Variants in LEMD2 observed in about 807,000 individuals in gnomAD.
LEMD2 encodes LEM domain-containing protein 2.
In LEMD2, 34 loss-of-function variants were observed where a neutral mutation model predicts 58.8. The observed-to-expected ratio is 0.58, with a 90% CI of 0.44 to 0.77. The LOEUF is 0.77. Ranked by LOEUF, LEMD2 falls within the 30% of genes least tolerant of loss-of-function variation. The pLI, the probability that LEMD2 is intolerant of heterozygous loss-of-function variation, is 0.00. For synonymous variants in LEMD2, 298 were observed against 308.9 expected (o/e 0.96, Z 0.37); for missense variants, 629 against 717.9 (o/e 0.88, Z 1.42).
Position 33,788,508 on chromosome 6 carries a change from C to A in LEMD2, c.609G>T (p.Gly203=), listed in dbSNP as rs753381455. The A allele has an allele frequency of 7.8e-6, 12 of 1,538,494 alleles. No individual in the cohort carries two copies. Among genetic ancestry groups the A allele is most frequent in the Non-Finnish European group, 9.6e-6 (11 of 1,142,938 alleles). ...GAGAGAGCCAGCGCTCCAGCCGGCG[C>A]CCCACCTCAGGCCGGGCCCTCGCCG... ...AGAARARPEV[G]RRLERWLSRL... is the part of the protein sequence containing the mutation. The change falls in exon 1 of 9, where the codon GGG becomes GGT. Residue 203 remains glycine, a synonymous_variant. Coordinates refer to ENST00000293760, the MANE Select transcript of LEMD2 (RefSeq NM_181336.4).
chr6:33,773,883 G>A (rs1427334131), intron 8 of LEMD2, among the ~76,000 whole-genome samples: 1 of 152,180 alleles, frequency 6.6e-6, no homozygotes, highest in African/African-American at 2.4e-5. Flanking sequence ...CCTGACGTGG[G>A]GAGCTTGGCC....
intron 2 of LEMD2, among the ~76,000 whole-genome samples, chr6:33,786,521 G>A (rs1194320440): frequency 6.6e-6 from 1 of 152,214 alleles, no homozygotes; most frequent in Non-Finnish European, 1.5e-5. Context: ...AACAAGCCCA[G>A]GGTTGGATTT....
chr6:33,778,879 G>T lies in LEMD2; in HGVS notation c.1011-492C>A. 6.6e-6 allele frequency: 1 copy of T among 152,334 alleles called. No individual in the cohort carries two copies. The allele number at this position is 152,334 out of a possible 1,614,324, so 9.4% of individuals were successfully genotyped here. On this transcript the variant is annotated intron_variant, in intron 5 of 8. Coordinates refer to ENST00000293760, the MANE Select transcript of LEMD2 (RefSeq NM_181336.4). The surrounding 1 kb of genome is among the most constrained non-coding windows in gnomAD (Gnocchi z 4.7). ...GGAATCCGTGAGGCTCATGGGGAAT[G>T]AAAACCACCAGGCTCTCCGAGGCCA...
At chr6:33,786,692 T>G in intron 2 of LEMD2, 42 bp downstream of exon 2, 7 of 1,507,442 alleles carry the variant, frequency 4.6e-6, no homozygotes, top group Non-Finnish European at 6.5e-6. Flanking sequence ...GAGGCTAATA[T>G]CCTCAGGAAG....
intron 3 of LEMD2, chr6:33,781,581 T>G (rs1767566612): frequency 5.7e-6 from 1 of 176,384 alleles, no homozygotes; most frequent in Non-Finnish European, 1.2e-5. Context: ...CCAGGTCTAT[T>G]GTCTTGAGGG....
chr6:33,779,823 C>T, intron 5 of LEMD2: 1 of 372,742 alleles, frequency 2.7e-6, no homozygotes, highest in South Asian at 5.6e-5. Context: ...GAGAAAGGCA[C>T]AGACTGAGTT....
Position 33,788,470 on chromosome 6 carries a change from C to T in LEMD2, c.647G>A (p.Trp216Ter). 6.4e-7 allele frequency: 1 copy of T among 1,561,840 alleles called. No homozygotes were observed. Among genetic ancestry groups the T allele is most frequent in the East Asian group, 2.4e-5 (1 of 41,036 alleles). ...LERWLSRLLL[W>*]ASLGLLLVFL... Reference sequence around the variant, plus strand: ...GACGAGCAGTAGCCCTAGGCTGGCCCAGAGCAGAAGCCGAGAGAGCCAGCG... The same window carrying T: ...GACGAGCAGTAGCCCTAGGCTGGCCTAGAGCAGAAGCCGAGAGAGCCAGCG... Residue 216 changes from tryptophan (W) to a stop codon, truncating the protein, a stop_gained, in exon 1 of 9, where the codon TGG (tryptophan) becomes TAG (stop). Transcript: ENST00000293760. LOFTEE classifies it high-confidence loss of function.
rs1036558159 is a variant in LEMD2 at position 33,788,872 on chromosome 6, G to A, written c.245C>T (p.Ser82Phe). The A allele has an allele frequency of 2.0e-5, 27 of 1,376,328 alleles. No homozygotes were observed. In the Admixed American group the frequency reaches 2.6e-4, roughly 13 times the overall value. The allele number at this position is 1,376,328 out of a possible 1,614,324, so 85.3% of individuals were successfully genotyped here. A position where few individuals can be genotyped will look rare whatever the true frequency, so the allele number is the denominator to read the frequency against. The stretch of plus-strand genomic sequence containing the variant: ...GGAGAGCCAGGGCTCCGCCCGCGGA[G>A]AGGCCGCGGCGGGCCGGGCGCGCAG... The part of the protein sequence containing the change: ...APLRARPAAA[S>F]PRAEPWLSQP... Residue 82 changes from serine to phenylalanine, a missense_variant, in exon 1 of 9, where the codon TCT (serine) becomes TTT (phenylalanine). Physicochemically the swap from Ser to Phe is radical, Grantham distance 155 (BLOSUM62 -2). Coordinates refer to ENST00000293760, the MANE Select transcript of LEMD2 (RefSeq NM_181336.4).
rs1159055534 is a variant in LEMD2 at position 33,772,364 on chromosome 6, A to C, written c.*264T>G. The C allele has an allele frequency of 3.0e-6, 1 of 331,270 alleles. No homozygotes were observed. Among genetic ancestry groups the C allele is most frequent in the East Asian group, 5.6e-5 (1 of 17,978 alleles). The allele number at this position is 331,270 out of a possible 1,614,324, so 20.5% of individuals were successfully genotyped here. On this transcript the variant is annotated 3_prime_UTR_variant, in exon 9 of 9. Transcript: ENST00000293760. Reference sequence around the variant, plus strand: ...TCTTGTTTTCTATTCATGAAAACTCAACCCTTCTCCCCGTTTCTGCCAGCA... The same window carrying C: ...TCTTGTTTTCTATTCATGAAAACTCCACCCTTCTCCCCGTTTCTGCCAGCA...
At chr6:33,785,491 G>A (rs902654632) in intron 2 of LEMD2, among the ~76,000 whole-genome samples, 1 of 152,240 alleles carries the variant, frequency 6.6e-6, no homozygotes, top group African/African-American at 2.4e-5. Flanking sequence ...CTCAAGTGGA[G>A]CCTGAGTGTG....
At chr6:33,777,482 A>T (rs974570411) in intron 6 of LEMD2, among the ~76,000 whole-genome samples, 2 of 152,252 alleles carry the variant, frequency 1.3e-5, no homozygotes, top group Non-Finnish European at 2.9e-5. Context: ...CCAGCCGTCC[A>T]GATCTCGGCT....
chr6:33,776,577 G>A (rs956430764), intron 8 of LEMD2: 15 of 255,594 alleles, frequency 5.9e-5, no homozygotes, highest in African/African-American at 1.1e-4. Context: ...CCGGAGACCT[G>A]ACTGTTCTGT....
rs377645639 is a variant in LEMD2, at chr6:33,788,318, G to T, written c.736+63C>A. The T allele has an allele frequency of 2.5e-4, 366 of 1,464,700 alleles. 5 individuals carry two copies. In the South Asian group the frequency reaches 4.3e-3, roughly 17 times the overall value. 90.7% of individuals were successfully genotyped at this position (1,464,700 alleles called of 1,614,324 possible). A position where few individuals can be genotyped will look rare whatever the true frequency, so the allele number is the denominator to read the frequency against. On this transcript the variant is annotated intron_variant, in intron 1 of 8. Transcript: ENST00000293760. Reference sequence around the variant, plus strand: ...TGCGCGGCCTGGCGCCGACAGGAACGGGGGGTCCTCCGGCGGACACACGCG... The same window carrying T: ...TGCGCGGCCTGGCGCCGACAGGAACTGGGGGTCCTCCGGCGGACACACGCG...
chr6:33,779,221 T>G (rs1301316736), intron 5 of LEMD2: 1 of 151,888 alleles, frequency 6.6e-6, no homozygotes, highest in Non-Finnish European at 1.5e-5. Context: ...CTCCTCCGCC[T>G]TTTCTAACAC....
Position 33,780,159 on chromosome 6 carries a change from G to T in LEMD2, c.951C>A (p.Ser317=). 1 of 1,592,912 alleles carries T rather than the reference G, an allele frequency of 6.3e-7. No homozygotes were observed. Among genetic ancestry groups the T allele is most frequent in the Non-Finnish European group, 8.6e-7 (1 of 1,168,562 alleles). The change falls in exon 5 of 9, where the codon TCC becomes TCA. Residue 317 remains serine (S), a synonymous_variant. Transcript: ENST00000293760. ...EYIANVTSSS[S]AKFEAALTWI... ...AGGTCAGTGCGGCTTCAAACTTGGC[G>T]GAGGAGCTGCTGGTCACATTCTGTG...
At chr6:33,787,410 T>C (rs964411806) in intron 1 of LEMD2, among the ~76,000 whole-genome samples, 4 of 152,256 alleles carry the variant, frequency 2.6e-5, no homozygotes, top group Admixed American at 6.5e-5. Flanking sequence ...GTTAATACCC[T>C]TGCCCACAGA....
At chr6:33,777,558 T>C (rs1370582572) in intron 6 of LEMD2, among the ~76,000 whole-genome samples, 1 of 152,194 alleles carries the variant, frequency 6.6e-6, no homozygotes, top group Non-Finnish European at 1.5e-5. Context: ...GTTTCATACA[T>C]ATATACATGC....
In LEMD2 at chr6:33,771,940, GC is replaced by G. The variant is rs1767306234; in HGVS notation, c.*687del. The G allele has an allele frequency of 1.3e-5, 1 of 76,300 alleles. No individual in the cohort carries two copies. 4.7% of individuals were successfully genotyped at this position (76,300 alleles called of 1,614,324 possible). ...TGAGAAGCAACACTGAGGCGGGCCC[GC>G]CCGCCCTGGGGCTGCCCGACCCTCC... On this transcript the variant is annotated 3_prime_UTR_variant, in exon 9 of 9. Coordinates refer to ENST00000293760, the MANE Select transcript of LEMD2 (RefSeq NM_181336.4).
intron 2 of LEMD2, among the ~76,000 whole-genome samples, chr6:33,786,472 C>A (rs1024204724): frequency 6.6e-6 from 1 of 152,198 alleles, no homozygotes; most frequent in Non-Finnish European, 1.5e-5. Context: ...TCAGGCAGAT[C>A]AAAGTCCCCG....
Sources: gnomAD v4.1 joint callset for allele counts (sites outside exome capture counted in the v4.1 genomes callset) on GRCh38, gnomAD v4.1.1 for gene constraint, Gnocchi (gnomAD v3.1) non-coding constraint, MANE v1.5 for transcripts, NCBI Gene and HGNC (gene_info 2026-07-23, HGNC 2026-07-21) for gene names.